The following ADAM32 variants were observed in gnomAD, a reference collection of about 807,000 sequenced individuals.
ADAM32 encodes the protein ADAM metallopeptidase domain 32.
A neutral mutation model predicts 114.9 loss-of-function variants in ADAM32; 89 were observed. That is an observed-to-expected ratio of 0.77 (90% CI 0.65 to 0.92). ADAM32 has a LOEUF of 0.92. Among genes scored for constraint, ADAM32 ranks in the 40% least tolerant of loss-of-function variants. The pLI is 0.00. For missense variants in ADAM32, 870 were observed against 932.8 expected, an observed-to-expected ratio of 0.93 and a Z score of 0.88; for synonymous variants, 285 against 307.5, an observed-to-expected ratio of 0.93 and a Z score of 0.77.
chr8:39,151,657 T>C (rs1456361952), intron 6 of ADAM32, 109 bp downstream of exon 6: 2 of 793,924 alleles, frequency 2.5e-6, no homozygotes, highest in East Asian at 3.3e-5. Flanking sequence ...AAATATCCTT[T>C]CCTTGTGAAC....
chr8:39,274,403 T>C (rs1812943592), intron 21 of ADAM32, 53 bp downstream of exon 21: 1 of 1,551,516 alleles, frequency 6.4e-7, no homozygotes, highest in Admixed American at 1.8e-5. Context: ...TAAGAATTTA[T>C]TGATAATTCA....
chr8:39,226,790 A>C (rs1056072384), intron 14 of ADAM32, among the ~76,000 whole-genome samples: 1 of 152,236 alleles, frequency 6.6e-6, no homozygotes, highest in African/African-American at 2.4e-5. Context: ...CCATGTAAAC[A>C]AAAAGACTAA....
intron 6 of ADAM32, among the ~76,000 whole-genome samples, chr8:39,155,741 T>C (rs577546619): frequency 9.2e-5 from 14 of 152,292 alleles, no homozygotes; most frequent in African/African-American, 3.4e-4. Flanking sequence ...GTCTTCTATC[T>C]TTTTTTGTCT....
intron 22 of ADAM32, among the ~76,000 whole-genome samples, chr8:39,277,731 G>A (rs757365437): frequency 2.0e-4 from 30 of 152,258 alleles, no homozygotes; most frequent in Admixed American, 6.5e-5. Context: ...GCAGGTGCAG[G>A]AGCCACAGCC....
At chr8:39,144,646 G>A (rs756961350) in intron 3 of ADAM32, among the ~76,000 whole-genome samples, 2 of 73,470 alleles carry the variant, frequency 2.7e-5, no homozygotes, top group Non-Finnish European at 5.2e-5. Context: ...AGGCCTAGAA[G>A]AGATATACCT....
At chr8:39,284,691 G>T in intron 24 of ADAM32, 102 bp from the exon 25 acceptor site, 3 of 1,272,850 alleles carry the variant, frequency 2.4e-6, no homozygotes, top group Non-Finnish European at 3.4e-6. Context: ...TTTTTTTCGT[G>T]CCACATGAAT....
At chr8:39,242,409 G>C (rs1810623732) in intron 16 of ADAM32, among the ~76,000 whole-genome samples, 1 of 152,158 alleles carries the variant, frequency 6.6e-6, no homozygotes, top group Non-Finnish European at 1.5e-5. Flanking sequence ...TGCTGATAAA[G>C]ACATACCTGA....
chr8:39,131,502 A>G (rs1802453321), intron 2 of ADAM32, among the ~76,000 whole-genome samples: 2 of 152,148 alleles, frequency 1.3e-5, no homozygotes, highest in Admixed American at 1.3e-4. Context: ...TTTCATTCAA[A>G]GATTTTTTTG....
intron 2 of ADAM32, among the ~76,000 whole-genome samples, chr8:39,123,629 A>G (rs1329288949): frequency 1.3e-5 from 2 of 151,596 alleles, no homozygotes; most frequent in Non-Finnish European, 2.9e-5. Context: ...GAGTGCTCTG[A>G]TCTATGAACA....
chr8:39,211,033 T>G, intron 11 of ADAM32, 111 bp from the exon 12 acceptor site: 1 of 982,882 alleles, frequency 1.0e-6, no homozygotes, highest in Non-Finnish European at 1.4e-6. Context: ...GCACTTATTA[T>G]AAACATTTGT....
intron 16 of ADAM32, among the ~76,000 whole-genome samples, chr8:39,235,944 A>G (rs929496798): frequency 1.3e-5 from 2 of 152,212 alleles, no homozygotes; most frequent in East Asian, 1.9e-4. Flanking sequence ...TGATTTTCAC[A>G]TATGTCATCT....
At chr8:39,121,853 G>T (rs1406355316) in intron 2 of ADAM32, among the ~76,000 whole-genome samples, 1 of 152,188 alleles carries the variant, frequency 6.6e-6, no homozygotes, top group Non-Finnish European at 1.5e-5. Flanking sequence ...TGGGAGAGTT[G>T]CTGTCCAAGT....
intron 11 of ADAM32, 26 bp downstream of exon 11, chr8:39,187,071 CT>C: frequency 6.4e-7 from 1 of 1,566,228 alleles, no homozygotes; most frequent in Non-Finnish European, 8.7e-7. Flanking sequence ...TTATTTATTG[CT>C]TATGTTTATT....
At chr8:39,128,904 T>C (rs1261632411) in intron 2 of ADAM32, among the ~76,000 whole-genome samples, 1 of 152,174 alleles carries the variant, frequency 6.6e-6, no homozygotes, top group Admixed American at 6.5e-5. Flanking sequence ...GTTCTTCATC[T>C]GGTAATTTTT....
intron 17 of ADAM32, among the ~76,000 whole-genome samples, chr8:39,254,034 C>T (rs1811471062): frequency 6.6e-6 from 1 of 151,486 alleles, no homozygotes; most frequent in Admixed American, 6.6e-5. Context: ...AAAATAGAGA[C>T]ATATAAAGCG....
intron 2 of ADAM32, among the ~76,000 whole-genome samples, chr8:39,134,603 A>T (rs1393171375): frequency 1.3e-5 from 2 of 152,098 alleles, no homozygotes; most frequent in African/African-American, 2.4e-5. Context: ...CTCTTTGTTG[A>T]GGAGGCAAAC....
At chr8:39,108,514 A>G (rs571097860) in intron 1 of ADAM32, among the ~76,000 whole-genome samples, 1 of 152,290 alleles carries the variant, frequency 6.6e-6, no homozygotes, top group African/African-American at 2.4e-5. Context: ...AAACTGTAAA[A>G]GTTCATTAGT....
At chr8:39,264,654 A>G (rs567425117) in intron 19 of ADAM32, among the ~76,000 whole-genome samples, 5 of 152,282 alleles carry the variant, frequency 3.3e-5, no homozygotes, top group Admixed American at 6.5e-5. Context: ...TGTTAACCTG[A>G]GATCTTTCTA....
rs892322729 is a variant in ADAM32 at position 39,257,351 on chromosome 8, G to A, written c.2162+8G>A. The A allele has an allele frequency of 6.2e-7, 1 of 1,612,306 alleles. No individual in the cohort carries two copies. The highest frequency in any genetic ancestry group is 1.3e-5 in the African/African-American group (1 of 74,828). On this transcript the variant is annotated splice_region_variant and intron_variant, in intron 19 of 24. Coordinates refer to ENST00000379907, the MANE Select transcript of ADAM32 (RefSeq NM_145004.7). ...GGAATTCCCAAGTAGCGAGTAAATT[G>A]CATTTGTGTTCTGAAGTTAAACATT...
Sources: allele counts gnomAD v4.1 joint callset (sites outside exome capture counted in the v4.1 genomes callset), GRCh38; gene constraint gnomAD v4.1.1; transcripts MANE v1.5; gene names NCBI Gene and HGNC (gene_info 2026-07-23, HGNC 2026-07-21).